RALY: variants seen among roughly 807,000 people sequenced by gnomAD.
The protein encoded by RALY is RNA-binding protein Raly.
A neutral mutation model predicts 30.7 loss-of-function variants in RALY; 15 were observed. The observed-to-expected ratio is 0.49, with a 90% CI of 0.33 to 0.75. RALY has a LOEUF of 0.75. RALY is among the 30% of genes least tolerant of loss of function. The probability of loss-of-function intolerance (pLI) is 0.02; values close to 1 mark genes in which losing one functional copy is unlikely to be tolerated. For missense variants in RALY, 339 were observed against 414.3 expected (o/e 0.82, Z 1.58); for synonymous variants, 177 against 170.8 (o/e 1.04, Z -0.28).
intron 2 of RALY, among the ~76,000 whole-genome samples, chr20:34,051,597 AC>A (rs2033079469): frequency 1.3e-5 from 2 of 151,776 alleles, no homozygotes; most frequent in Non-Finnish European, 2.9e-5. Context: ...GAAATTTGAT[AC>A]TTTTTTTTTG....
In RALY at chr20:34,006,956, A is replaced by G. The variant is rs184190687; in HGVS notation, c.-93+12825A>G. On this transcript the variant is annotated intron_variant, in intron 1 of 9. Coordinates refer to ENST00000246194, the MANE Select transcript of RALY (RefSeq NM_016732.3). ...GATGTTTTTTTCTATAGATTTTTCC[A>G]TGTTCTGGATTTTGCTCATTGCATT... Among the ~76,000 whole-genome samples the G allele has an allele frequency of 4.2e-4, 64 of 152,240 alleles. 1 individual carries two copies. Among genetic ancestry groups the G allele is most frequent in the Middle Eastern group, 6.8e-3 (2 of 294 alleles).
chr20:34,019,054 G>A (rs1339753699), intron 1 of RALY, among the ~76,000 whole-genome samples: 1 of 152,144 alleles, frequency 6.6e-6, no homozygotes, highest in African/African-American at 2.4e-5. Flanking sequence ...CGGGCGCAGT[G>A]GCTCACGCCT....
At chr20:34,073,982 C>A in intron 5 of RALY, 116 bp downstream of exon 5, 2 of 1,193,576 alleles carry the variant, frequency 1.7e-6, no homozygotes, top group Non-Finnish European at 2.4e-6. Flanking sequence ...AGAGGTTTGC[C>A]TGGGGTTGCT....
At chr20:34,038,433 G>A (rs1299351532) in intron 2 of RALY, among the ~76,000 whole-genome samples, 1 of 152,134 alleles carries the variant, frequency 6.6e-6, no homozygotes, top group African/African-American at 2.4e-5. Context: ...CTTATTGAAT[G>A]GGACAGATTG....
At chr20:34,067,816 C>CTTTTTTTTTTT (rs11480087) in intron 2 of RALY, among the ~76,000 whole-genome samples, 1 of 132,674 alleles carries the variant, frequency 7.5e-6, no homozygotes, top group African/African-American at 2.8e-5. Context: ...TTTCTTTTTT[C>CTTTTTTTTTTT]TTTTTTTTTT....
At chr20:34,077,622 A>G (rs2033930903) in intron 8 of RALY, 2 of 337,844 alleles carry the variant, frequency 5.9e-6, no homozygotes, top group Non-Finnish European at 1.1e-5. Context: ...TCTAAAAGCC[A>G]TTGCTGCTTA....
At chr20:34,012,594 C>T (rs1424598243) in intron 1 of RALY, among the ~76,000 whole-genome samples, 1 of 152,116 alleles carries the variant, frequency 6.6e-6, no homozygotes, top group Non-Finnish European at 1.5e-5. Context: ...TACTGCAGTG[C>T]GCAGAGCTTG....
intron 2 of RALY, among the ~76,000 whole-genome samples, chr20:34,032,782 C>T (rs960881389): frequency 6.6e-6 from 1 of 152,086 alleles, no homozygotes; most frequent in African/African-American, 2.4e-5. Flanking sequence ...ACCATAAATA[C>T]CATTGTTCTT....
At chr20:34,061,471 A>T in intron 2 of RALY, among the ~76,000 whole-genome samples, 1 of 152,232 alleles carries the variant, frequency 6.6e-6, no homozygotes, top group Middle Eastern at 3.2e-3. Flanking sequence ...GTTGGGCAAG[A>T]GTGGCTTAGA....
chr20:34,024,614 C>CTAA (rs1175245208), intron 1 of RALY, among the ~76,000 whole-genome samples: 2 of 152,150 alleles, frequency 1.3e-5, no homozygotes, highest in Non-Finnish European at 2.9e-5. Flanking sequence ...CTCAAGACCC[C>CTAA]TAATGTCACC....
chr20:34,042,734 T>C (rs1418943516), intron 2 of RALY, among the ~76,000 whole-genome samples: 1 of 152,234 alleles, frequency 6.6e-6, no homozygotes, highest in Admixed American at 6.5e-5. Flanking sequence ...AATGAAAATA[T>C]AACCTTTGGA....
At chr20:34,016,096 C>T (rs1477137561) in intron 1 of RALY, among the ~76,000 whole-genome samples, 1 of 152,200 alleles carries the variant, frequency 6.6e-6, no homozygotes, top group African/African-American at 2.4e-5. Flanking sequence ...CTCCCCTCCA[C>T]ACATGCCCAC....
chr20:34,047,947 C>G (rs147468656), intron 2 of RALY, among the ~76,000 whole-genome samples: 98 of 152,286 alleles, frequency 6.4e-4, no homozygotes, highest in African/African-American at 2.3e-3. Flanking sequence ...TTTCCTTCCT[C>G]AAGTTCAGAC....
chr20:34,010,623 G>C (rs1421798095), intron 1 of RALY, among the ~76,000 whole-genome samples: 2 of 152,146 alleles, frequency 1.3e-5, no homozygotes, highest in East Asian at 1.9e-4. Flanking sequence ...CCAGTATGTG[G>C]AGTACTGTGG....
intron 2 of RALY, among the ~76,000 whole-genome samples, chr20:34,047,637 G>A (rs1184885850): frequency 6.6e-6 from 1 of 152,290 alleles, no homozygotes; most frequent in Admixed American, 6.5e-5. Context: ...ATCCTTCTCT[G>A]CCATTTACTG....
chr20:34,064,572 A>G (rs2033514227), intron 2 of RALY, among the ~76,000 whole-genome samples: 1 of 152,078 alleles, frequency 6.6e-6, no homozygotes, highest in Non-Finnish European at 1.5e-5. Context: ...TGAAGTTTCT[A>G]GGTTTGGTTG....
intron 1 of RALY, among the ~76,000 whole-genome samples, chr20:34,012,978 T>C (rs1454699696): frequency 1.3e-5 from 2 of 152,340 alleles, no homozygotes; most frequent in East Asian, 3.9e-4. Context: ...ATGCATTCAG[T>C]AGAAACGGTA....
chr20:33,996,319 CAT>C (rs2030628423), intron 1 of RALY, among the ~76,000 whole-genome samples: 1 of 152,106 alleles, frequency 6.6e-6, no homozygotes, highest in Admixed American at 6.5e-5. Flanking sequence ...TCTGTAAACT[CAT>C]AGGGTTGTTG....
chr20:34,002,628 C>T (rs1239920682), intron 1 of RALY, among the ~76,000 whole-genome samples: 1 of 152,170 alleles, frequency 6.6e-6, no homozygotes, highest in East Asian at 1.9e-4. Flanking sequence ...ATTTTTTTGG[C>T]ATTCCCTTCT....
Sources: allele counts gnomAD v4.1 joint callset (sites outside exome capture counted in the v4.1 genomes callset), GRCh38; gene constraint gnomAD v4.1.1; transcripts MANE v1.5; gene names NCBI Gene and HGNC (gene_info 2026-07-23, HGNC 2026-07-21).